Variants in DNAH14 observed in about 807,000 individuals in gnomAD.
DNAH14 encodes dynein axonemal heavy chain 14, also known as axonemal beta dynein heavy chain 14.
A neutral mutation model predicts 520.9 loss-of-function variants in DNAH14; 478 were observed. The ratio of observed to expected loss-of-function variants is 0.92; its 90% CI spans 0.85 to 0.99. The LOEUF (loss-of-function observed/expected upper bound fraction) is 0.99, where lower values mean the gene tolerates loss of function less well. Among genes scored for constraint, DNAH14 ranks in the 50% least tolerant of loss-of-function variants. The pLI is 0.00. For missense variants in DNAH14, 4,831 were observed against 5,234.5 expected (o/e 0.92, Z 2.38); for synonymous variants, 1,581 against 1,757.2 (o/e 0.90, Z 2.51).
chr1:225,118,738 C>G (rs1240304540), intron 25 of DNAH14, among the ~76,000 whole-genome samples: 1 of 151,918 alleles, frequency 6.6e-6, no homozygotes, highest in African/African-American at 2.4e-5. Flanking sequence ...CAAAAATTAG[C>G]TGATCGTGGT....
intron 5 of DNAH14, 64 bp downstream of exon 5, chr1:224,964,673 T>C: frequency 7.7e-7 from 1 of 1,299,588 alleles, no homozygotes; most frequent in Non-Finnish European, 1.0e-6. Context: ...ATTTTAATTT[T>C]TATTTCATTT....
Position 225,097,166 on chromosome 1 carries a change from C to T in DNAH14, c.3622C>T (p.Leu1208Phe). 1.3e-6 allele frequency: 2 copies of T among 1,550,482 alleles called. No homozygotes were observed. The highest frequency in any genetic ancestry group is 1.7e-4 in the Middle Eastern group (1 of 5,978). The change falls in exon 22 of 86, where the codon CTT becomes TTT. Residue 1208 changes from leucine to phenylalanine, a missense_variant. By Grantham distance (22) the Leu-to-Phe change is conservative. Transcript: ENST00000682510. ...AAACTTGACTCTCTTCTCTTACACC[C>T]TTGAGGAATGGATGAATTGTCAAAG... ...DQNLTLFSYT[L>F]EEWMNCQRNW...
Position 225,381,524 on chromosome 1 carries a change from A to T in DNAH14, c.13022A>T (p.Glu4341Val). Residue 4341 changes from glutamate (E) to valine (V), a missense_variant, in exon 81 of 86, where the codon GAA (glutamate) becomes GTA (valine). Transcript: ENST00000682510. ...AIKGEIILTQ[E>V]LEEIFNSFLN... ...AAAGGAGAGATCATCCTCACCCAAG[A>T]ATTGGAGGAAATATTTAACTCTTTT... is the stretch of plus-strand genomic sequence containing the variant. 1 of 1,546,994 alleles carries T rather than the reference A, an allele frequency of 6.5e-7. No individual in the cohort carries two copies. The highest frequency in any genetic ancestry group is 8.7e-7 in the Non-Finnish European group (1 of 1,145,778).
chr1:225,118,522 A>T (rs55866053), intron 25 of DNAH14, among the ~76,000 whole-genome samples: 30,125 of 151,838 alleles, frequency 0.2, 6,164 homozygotes, highest in African/African-American at 0.51. Flanking sequence ...GTTGATTTTT[A>T]AAAAAATGCT....
At chr1:225,146,994 C>T in intron 30 of DNAH14, 110 bp from the exon 31 acceptor site, 1 of 807,384 alleles carries the variant, frequency 1.2e-6, no homozygotes, top group Non-Finnish European at 1.8e-6. Context: ...ATGCAAAAGG[C>T]CTTTGCTTGG....
At chr1:225,230,479 A>G (rs1004793556) in intron 41 of DNAH14, among the ~76,000 whole-genome samples, 65 of 152,266 alleles carry the variant, frequency 4.3e-4, no homozygotes, top group Admixed American at 3.9e-3. Context: ...ACACTAAAAG[A>G]AGCATTTTTT....
intron 26 of DNAH14, among the ~76,000 whole-genome samples, chr1:225,121,803 T>G (rs1394213632): frequency 6.6e-6 from 1 of 152,004 alleles, no homozygotes; most frequent in Non-Finnish European, 1.5e-5. Flanking sequence ...ATTGTGCCAC[T>G]GCACTCCAGC....
chr1:225,032,463 T>G (rs1052635650), intron 11 of DNAH14, among the ~76,000 whole-genome samples: 1 of 152,192 alleles, frequency 6.6e-6, no homozygotes, highest in Non-Finnish European at 1.5e-5. Flanking sequence ...TACCACATTT[T>G]CTTTATCCAG....
At chr1:225,158,659 CTG>C (rs2081265191) in intron 34 of DNAH14, among the ~76,000 whole-genome samples, 1 of 152,200 alleles carries the variant, frequency 6.6e-6, no homozygotes, top group Admixed American at 6.5e-5. Flanking sequence ...TCTCTTGTAA[CTG>C]TGGCTTTGAC....
intron 35 of DNAH14, among the ~76,000 whole-genome samples, chr1:225,165,668 C>T (rs2081972605): frequency 6.6e-6 from 1 of 151,988 alleles, no homozygotes; most frequent in Non-Finnish European, 1.5e-5. Context: ...TCACTGCAGC[C>T]TCGACCTCGG....
At chr1:224,939,543 G>C (rs2059268557) in intron 1 of DNAH14, among the ~76,000 whole-genome samples, 1 of 152,076 alleles carries the variant, frequency 6.6e-6, no homozygotes, top group Non-Finnish European at 1.5e-5. Flanking sequence ...AATTAGCTGG[G>C]TGTGGTGGTG....
chr1:225,337,343 G>T lies in DNAH14; in HGVS notation c.10158G>T (p.Gln3386His), dbSNP rs2095078229. Residue 3386 changes from glutamine to histidine, a missense_variant, in exon 67 of 86, where the codon CAG becomes CAT. Physicochemically the swap from Gln to His is conservative, Grantham distance 24. Coordinates refer to ENST00000682510, the MANE Select transcript of DNAH14 (RefSeq NM_001367479.1). ...VENAILIKNG[Q>H]QWPLLIDPHR... ...ATGCCATCTTGATCAAGAATGGCCA[G>T]CAGTGGCCACTGCTGATTGACCCAC... 1 of 1,551,688 alleles carries T rather than the reference G, an allele frequency of 6.4e-7. No individual in the cohort carries two copies. The highest frequency in any genetic ancestry group is 1.4e-5 in the African/African-American group (1 of 73,150).
At chr1:225,217,470 CT>C (rs1252451393) in intron 41 of DNAH14, among the ~76,000 whole-genome samples, 2 of 152,190 alleles carry the variant, frequency 1.3e-5, no homozygotes, top group Non-Finnish European at 2.9e-5. Context: ...TTTCTGCTGC[CT>C]TTTTTTCAGC....
At chr1:225,268,975 C>T (rs924298545) in intron 49 of DNAH14, among the ~76,000 whole-genome samples, 3 of 152,208 alleles carry the variant, frequency 2.0e-5, no homozygotes, top group Non-Finnish European at 4.4e-5. Flanking sequence ...TTGGAAAAAA[C>T]TACTTTAAAA....
chr1:225,334,502 G>GA (rs543816728), intron 66 of DNAH14, among the ~76,000 whole-genome samples: 54 of 147,884 alleles, frequency 3.7e-4, no homozygotes, highest in Admixed American at 1.4e-3. Context: ...GTCTCTAAAA[G>GA]AAAAAAAAAA....
intron 23 of DNAH14, among the ~76,000 whole-genome samples, chr1:225,108,746 T>G (rs1275556560): frequency 6.6e-6 from 1 of 152,170 alleles, no homozygotes; most frequent in African/African-American, 2.4e-5. Context: ...ATTTTTCCTG[T>G]GGTTGTCTGT....
intron 75 of DNAH14, among the ~76,000 whole-genome samples, chr1:225,362,378 C>A (rs938428106): frequency 3.3e-5 from 5 of 152,116 alleles, no homozygotes; most frequent in South Asian, 4.1e-4. Flanking sequence ...CGTCTGAGAC[C>A]AGCCTGGCCA....
intron 35 of DNAH14, 117 bp downstream of exon 35, chr1:225,159,602 T>A: frequency 8.9e-7 from 1 of 1,123,238 alleles, no homozygotes; most frequent in Non-Finnish European, 1.2e-6. Context: ...ATGTTATAAT[T>A]GAGGGGATAA....
At chr1:225,082,840 G>A in intron 20 of DNAH14, 101 bp downstream of exon 20, 1 of 924,392 alleles carries the variant, frequency 1.1e-6, no homozygotes, top group Non-Finnish European at 1.6e-6. Context: ...AGGAAAGGAA[G>A]TTTATAAGAG....
Sources: gnomAD v4.1 joint callset for allele counts (sites outside exome capture counted in the v4.1 genomes callset) on GRCh38, gnomAD v4.1.1 for gene constraint, MANE v1.5 for transcripts, NCBI Gene and HGNC (gene_info 2026-07-23, HGNC 2026-07-21) for gene names.